PRDM5: variants seen among roughly 807,000 people sequenced by gnomAD.
The protein encoded by PRDM5 is PR domain zinc finger protein 5.
PRDM5 carries 56 observed loss-of-function variants against 81.2 expected under a neutral mutation model. That is an observed-to-expected ratio of 0.69 (90% confidence interval 0.56 to 0.86). The LOEUF is 0.86. Among genes scored for constraint, PRDM5 ranks in the 40% least tolerant of loss-of-function variants. The probability of loss-of-function intolerance (pLI) is 0.00; values close to 1 mark genes in which losing one functional copy is unlikely to be tolerated. For synonymous variants in PRDM5, 267 were observed against 256.4 expected, an observed-to-expected ratio of 1.04 and a Z score of -0.39; for missense variants, 697 against 770.1, an observed-to-expected ratio of 0.91 and a Z score of 1.12.
chr4:120,891,537 A>C (rs191438441), intron 2 of PRDM5, among the ~76,000 whole-genome samples: 9 of 152,178 alleles, frequency 5.9e-5, no homozygotes, highest in Admixed American at 2.0e-4. Context: ...CTACCATTCA[A>C]ATCTGATTTT....
At chr4:120,864,506 C>A (rs2148512597) in intron 2 of PRDM5, among the ~76,000 whole-genome samples, 1 of 152,250 alleles carries the variant, frequency 6.6e-6, no homozygotes, top group Non-Finnish European at 1.5e-5. Context: ...CAAAGAGGAA[C>A]ACAGCAAATC....
intron 14 of PRDM5, among the ~76,000 whole-genome samples, chr4:120,729,400 C>T (rs1739927436): frequency 6.6e-6 from 1 of 151,812 alleles, no homozygotes; most frequent in South Asian, 2.1e-4. Flanking sequence ...TTTTAAACCC[C>T]ACAACATCCA....
At chr4:120,852,017 T>C (rs781346469) in intron 3 of PRDM5, among the ~76,000 whole-genome samples, 5 of 152,164 alleles carry the variant, frequency 3.3e-5, no homozygotes, top group Non-Finnish European at 7.4e-5. Context: ...CAGTCAATTA[T>C]CTGCCAGAAT....
At chr4:120,705,622 C>G (rs1052187110) in intron 15 of PRDM5, among the ~76,000 whole-genome samples, 1 of 152,082 alleles carries the variant, frequency 6.6e-6, no homozygotes, top group Non-Finnish European at 1.5e-5. Context: ...AGGGTGAGGG[C>G]TGCAGGTCAC....
At chr4:120,884,891 C>T (rs1265114513) in intron 2 of PRDM5, among the ~76,000 whole-genome samples, 2 of 151,912 alleles carry the variant, frequency 1.3e-5, no homozygotes, top group South Asian at 2.1e-4. Flanking sequence ...TGGCCGGGCG[C>T]GGTGGCTCAT....
intron 14 of PRDM5, among the ~76,000 whole-genome samples, chr4:120,713,744 T>C (rs868631225): frequency 2.6e-5 from 4 of 152,236 alleles, no homozygotes; most frequent in Non-Finnish European, 4.4e-5. Flanking sequence ...TGATTTTTAA[T>C]GCTTGTCTTA....
chr4:120,770,528 T>C (rs559180626), intron 13 of PRDM5, among the ~76,000 whole-genome samples: 5 of 151,916 alleles, frequency 3.3e-5, no homozygotes, highest in African/African-American at 9.7e-5. Flanking sequence ...TTACGTGACA[T>C]GGGAGCCTTC....
At chr4:120,876,335 T>C (rs2148562020) in intron 2 of PRDM5, among the ~76,000 whole-genome samples, 1 of 152,346 alleles carries the variant, frequency 6.6e-6, no homozygotes, top group South Asian at 2.1e-4. Flanking sequence ...TAAAGTAAAC[T>C]GAAATATTTA....
At chr4:120,697,604 C>T (rs746589940) in intron 15 of PRDM5, among the ~76,000 whole-genome samples, 6 of 150,452 alleles carry the variant, frequency 4.0e-5, no homozygotes, top group Non-Finnish European at 5.9e-5. Flanking sequence ...CGACCTCCCT[C>T]GACTCACATT....
chr4:120,867,578 A>G (rs1761331746), intron 2 of PRDM5, among the ~76,000 whole-genome samples: 2 of 152,196 alleles, frequency 1.3e-5, no homozygotes, highest in Admixed American at 6.5e-5. Context: ...TTCACCTCAT[A>G]AAGACATAAT....
chr4:120,830,748 A>C (rs1300732641), intron 3 of PRDM5, among the ~76,000 whole-genome samples: 1 of 152,112 alleles, frequency 6.6e-6, no homozygotes, highest in African/African-American at 2.4e-5. Context: ...AACAACTGCA[A>C]ATAAAATCTG....
chr4:120,796,693 A>G (rs1287205917), intron 10 of PRDM5, among the ~76,000 whole-genome samples: 3 of 152,160 alleles, frequency 2.0e-5, no homozygotes, highest in South Asian at 4.1e-4. Flanking sequence ...GATTTAAGAC[A>G]CTATAATCAA....
intron 15 of PRDM5, among the ~76,000 whole-genome samples, chr4:120,704,498 T>C (rs1448090565): frequency 6.6e-6 from 1 of 152,166 alleles, no homozygotes; most frequent in Non-Finnish European, 1.5e-5. Flanking sequence ...GGTAAACTGA[T>C]TTTGTTTTAA....
At chr4:120,736,794 C>T (rs1314073921) in intron 14 of PRDM5, among the ~76,000 whole-genome samples, 1 of 152,230 alleles carries the variant, frequency 6.6e-6, no homozygotes, top group Non-Finnish European at 1.5e-5. Flanking sequence ...CCAAGAAACA[C>T]AGTCTTTAGA....
At chr4:120,858,574 C>T (rs962720728) in intron 2 of PRDM5, among the ~76,000 whole-genome samples, 6 of 148,970 alleles carry the variant, frequency 4.0e-5, no homozygotes, top group East Asian at 2.0e-4. Context: ...TGAACGCGTG[C>T]GTGCGCGCGC....
chr4:120,770,470 T>G (rs1318187871), intron 13 of PRDM5, among the ~76,000 whole-genome samples: 2 of 152,018 alleles, frequency 1.3e-5, no homozygotes, highest in African/African-American at 4.8e-5. Context: ...TTCTCTTTTT[T>G]TTTTTTTTAA....
intron 6 of PRDM5, 120 bp from the exon 7 acceptor site, chr4:120,816,694 C>T: frequency 6.6e-7 from 1 of 1,513,902 alleles, no homozygotes; most frequent in Non-Finnish European, 9.2e-7. Context: ...TCATTCCATG[C>T]ATTACCTATG....
intron 14 of PRDM5, among the ~76,000 whole-genome samples, chr4:120,745,408 C>T (rs1267221561): frequency 7.1e-6 from 1 of 141,588 alleles, no homozygotes; most frequent in Non-Finnish European, 1.5e-5. Flanking sequence ...TCCTATTCAA[C>T]ATAGTGTTGG....
chr4:120,705,736 A>AT (rs138245219), intron 15 of PRDM5, among the ~76,000 whole-genome samples: 361 of 152,334 alleles, frequency 2.4e-3, no homozygotes, highest in African/African-American at 8.2e-3. Context: ...TTACAAATAT[A>AT]TAATCTGACT....
Sources: allele counts gnomAD v4.1 joint callset (sites outside exome capture counted in the v4.1 genomes callset), GRCh38; gene constraint gnomAD v4.1.1; transcripts MANE v1.5; gene names NCBI Gene and HGNC (gene_info 2026-07-23, HGNC 2026-07-21).